The following TMTC2 variants were observed in gnomAD, a reference collection of about 807,000 sequenced individuals.
The protein encoded by TMTC2 is transmembrane O-mannosyltransferase targeting cadherins 2, also known as protein O-mannosyl-transferase TMTC2.
A neutral mutation model predicts 82.4 loss-of-function variants in TMTC2; 43 were observed. The observed-to-expected ratio is 0.52, with a 90% confidence interval of 0.41 to 0.67. The LOEUF (loss-of-function observed/expected upper bound fraction) is 0.67, where lower values mean the gene tolerates loss of function less well. Among genes scored for constraint, TMTC2 ranks in the 30% least tolerant of loss-of-function variants. The pLI is 0.00. For synonymous variants in TMTC2, 408 were observed against 381.9 expected (o/e 1.07, Z -0.80); for missense variants, 919 against 1,012.4 (o/e 0.91, Z 1.25).
rs994339651 is a variant in TMTC2 at position 83,086,210 on chromosome 12, G to C, written c.2331+24379G>C. ...AGGTGCTCCTCACTTCCCAGACAGT[G>C]GGGCGGCCAGGCAGAGGCGCTCCTT... On this transcript the variant is annotated intron_variant, in intron 11 of 11. Coordinates refer to ENST00000321196, the MANE Select transcript of TMTC2 (RefSeq NM_152588.3). Among the ~76,000 whole-genome samples the C allele has an allele frequency of 3.9e-5, 6 of 152,086 alleles. 1 individual carries two copies. The South Asian group carries it at 1.0e-3, about 26-fold the overall frequency.
chr12:82,877,585 C>G (rs1565789667), intron 2 of TMTC2, among the ~76,000 whole-genome samples: 1 of 152,072 alleles, frequency 6.6e-6, no homozygotes, highest in Non-Finnish European at 1.5e-5. Context: ...CCTCTTTCTC[C>G]CTCTCTCATT....
intron 3 of TMTC2, among the ~76,000 whole-genome samples, chr12:82,926,919 A>C (rs1010821712): frequency 1.5e-4 from 23 of 152,352 alleles, no homozygotes; most frequent in African/African-American, 5.5e-4. Flanking sequence ...AATTGTTTTC[A>C]AAAGATTATC....
At chr12:82,784,833 T>C (rs904897387) in intron 1 of TMTC2, among the ~76,000 whole-genome samples, 1 of 152,136 alleles carries the variant, frequency 6.6e-6, no homozygotes, top group Non-Finnish European at 1.5e-5. Context: ...ATTACAGAAT[T>C]CTGCCCTGCA....
At chr12:82,968,640 T>TGTC (rs1459259492) in intron 7 of TMTC2, among the ~76,000 whole-genome samples, 1 of 152,196 alleles carries the variant, frequency 6.6e-6, no homozygotes, top group Non-Finnish European at 1.5e-5. Context: ...TTGTTGTTGT[T>TGTC]AATGGAAAGT....
chr12:82,860,271 C>G (rs895039087), intron 2 of TMTC2, among the ~76,000 whole-genome samples: 1 of 152,108 alleles, frequency 6.6e-6, no homozygotes, highest in African/African-American at 2.4e-5. Flanking sequence ...CACGTCCAGC[C>G]CATTTTATAG....
intron 10 of TMTC2, 90 bp downstream of exon 10, chr12:83,051,108 T>G: frequency 1.2e-6 from 1 of 832,250 alleles, no homozygotes; most frequent in African/African-American, 1.7e-5. Context: ...TTATTCCACA[T>G]TCTCAATGTG....
chr12:82,949,265 T>A (rs1207648514), intron 4 of TMTC2, among the ~76,000 whole-genome samples: 1 of 152,220 alleles, frequency 6.6e-6, no homozygotes, highest in Non-Finnish European at 1.5e-5. Context: ...AGTATATAGG[T>A]TTAAAGTTAA....
In TMTC2 at chr12:83,134,298, A is replaced by G. The variant is rs1310723674; in HGVS notation, c.*1909A>G. The G allele has an allele frequency of 1.3e-5, 2 of 152,600 alleles. No individual in the cohort carries two copies. Among genetic ancestry groups the G allele is most frequent in the East Asian group, 1.9e-4 (1 of 5,194 alleles). The allele number at this position is 152,600 out of a possible 1,614,324, so 9.5% of individuals were successfully genotyped here. A position where few individuals can be genotyped will look rare whatever the true frequency, so the allele number is the denominator to read the frequency against. On this transcript the variant is annotated 3_prime_UTR_variant, in exon 12 of 12. Transcript: ENST00000321196. Reference sequence around the variant, plus strand: ...TAGTGCATTGGCAATTGCAAAAAAAAAAAAGGAATTTAATATAAGGCTATA... The same window carrying G: ...TAGTGCATTGGCAATTGCAAAAAAAGAAAAGGAATTTAATATAAGGCTATA...
Position 82,896,120 on chromosome 12 carries a change from A to AC in TMTC2, c.958dup (p.Leu320ProfsTer34). On this transcript the variant is annotated frameshift_variant, in exon 3 of 12. Coordinates refer to ENST00000321196, the MANE Select transcript of TMTC2 (RefSeq NM_152588.3). LOFTEE classifies it high-confidence loss of function. Reference sequence around the variant, plus strand: ...TACACACTGTGGCCTTCTATACTGGACTCCTTCTCCTTGCCTACTATGGTT... The same window carrying AC: ...TACACACTGTGGCCTTCTATACTGGACCTCCTTCTCCTTGCCTACTATGGTT... The AC allele has an allele frequency of 6.2e-7, 1 of 1,613,658 alleles. No individual in the cohort carries two copies. The highest frequency in any genetic ancestry group is 8.5e-7 in the Non-Finnish European group (1 of 1,179,964).
intron 9 of TMTC2, among the ~76,000 whole-genome samples, chr12:83,046,953 T>C (rs1317530880): frequency 6.6e-6 from 1 of 152,224 alleles, no homozygotes; most frequent in Admixed American, 6.5e-5. Context: ...ACCTAAATCA[T>C]AAGCAATCCT....
chr12:83,067,818 G>A (rs1398187612), intron 11 of TMTC2, among the ~76,000 whole-genome samples: 2 of 152,012 alleles, frequency 1.3e-5, no homozygotes, highest in East Asian at 3.9e-4. Flanking sequence ...TATGCTAACT[G>A]TTGTATTTGC....
chr12:82,925,976 ATTG>A (rs1231659310), intron 3 of TMTC2, among the ~76,000 whole-genome samples: 3 of 128,194 alleles, frequency 2.3e-5, no homozygotes, highest in Non-Finnish European at 4.7e-5. Context: ...TATGGAGAAA[ATTG>A]TTTTTTTTTT....
At chr12:83,102,979 C>G (rs1456280420) in intron 11 of TMTC2, among the ~76,000 whole-genome samples, 5 of 152,120 alleles carry the variant, frequency 3.3e-5, no homozygotes, top group African/African-American at 7.2e-5. Context: ...ATTCTTTCCT[C>G]TGGTAGAGGA....
chr12:82,899,420 C>G (rs935995968), intron 3 of TMTC2, among the ~76,000 whole-genome samples: 3 of 151,596 alleles, frequency 2.0e-5, no homozygotes, highest in Non-Finnish European at 4.4e-5. Flanking sequence ...CCTCTCTGCT[C>G]TGTTTGTAAA....
At chr12:82,893,380 AAAAAG>A (rs148783598) in intron 2 of TMTC2, among the ~76,000 whole-genome samples, 11,014 of 145,904 alleles carry the variant, frequency 0.075, 1,075 homozygotes, top group African/African-American at 0.26. Context: ...AAAAAAAAAA[AAAAAG>A]AAAAGAAAAG....
intron 7 of TMTC2, among the ~76,000 whole-genome samples, chr12:82,976,253 A>G (rs1232510519): frequency 5.3e-5 from 8 of 152,132 alleles, no homozygotes; most frequent in Non-Finnish European, 1.2e-4. Context: ...GTAAATAGAG[A>G]AATATTTACA....
chr12:82,940,756 T>TC (rs1876674004), intron 4 of TMTC2, among the ~76,000 whole-genome samples: 1 of 14,272 alleles, frequency 7.0e-5, no homozygotes, highest in Non-Finnish European at 1.0e-4. Flanking sequence ...TACCTATACA[T>TC]CCTTTTTTTT....
intron 1 of TMTC2, among the ~76,000 whole-genome samples, chr12:82,829,048 C>G (rs890726168): frequency 6.6e-6 from 1 of 152,104 alleles, no homozygotes; most frequent in Non-Finnish European, 1.5e-5. Flanking sequence ...ACTGAAATAA[C>G]TAATGATGTT....
intron 1 of TMTC2, among the ~76,000 whole-genome samples, chr12:82,791,332 A>C (rs1878459145): frequency 6.6e-6 from 1 of 152,064 alleles, no homozygotes; most frequent in African/African-American, 2.4e-5. Context: ...CATTGCAATA[A>C]TCTTGTCTGT....
Sources: allele counts gnomAD v4.1 joint callset (sites outside exome capture counted in the v4.1 genomes callset), GRCh38; gene constraint gnomAD v4.1.1; transcripts MANE v1.5; gene names NCBI Gene and HGNC (gene_info 2026-07-23, HGNC 2026-07-21).